The following EMC2 variants were observed in gnomAD, a reference collection of about 807,000 sequenced individuals.
The protein encoded by EMC2 is ER membrane protein complex subunit 2, also known as TPR repeat protein 35.
Under a neutral mutation model 51.6 loss-of-function variants are expected in EMC2, and 37 were observed. The observed-to-expected ratio is 0.72, with a 90% CI of 0.55 to 0.94. EMC2 has a LOEUF of 0.94. EMC2 is among the 40% of genes least tolerant of loss of function. The pLI, the probability that EMC2 is intolerant of heterozygous loss-of-function variation, is 0.00. For synonymous variants in EMC2, 131 were observed against 112.4 expected, an observed-to-expected ratio of 1.17 and a Z score of -1.04; for missense variants, 359 against 350.9, an observed-to-expected ratio of 1.02 and a Z score of -0.18.
In EMC2 at chr8:108,484,554, A is replaced by G. The variant is rs184246343; in HGVS notation, c.808-1958A>G. Among the ~76,000 whole-genome samples the G allele has an allele frequency of 6.4e-3, 975 of 152,160 alleles. 7 individuals carry two copies. Among genetic ancestry groups the G allele is most frequent in the Non-Finnish European group, 9.1e-3 (616 of 67,906 alleles). On this transcript the variant is annotated intron_variant, in intron 10 of 10. Coordinates refer to ENST00000220853, the MANE Select transcript of EMC2 (RefSeq NM_014673.5). ...CAAGAAAAATACTGTATTTAAAAAT[A>G]CATGTTATGGTTTTAGCTCTACATA...
chr8:108,449,135 C>G (rs1818951622), intron 1 of EMC2, among the ~76,000 whole-genome samples: 2 of 152,124 alleles, frequency 1.3e-5, no homozygotes, highest in South Asian at 2.1e-4. Flanking sequence ...CTTTAAGAGA[C>G]AGGGGTCTTG....
chr8:108,488,303 G>T lies in EMC2; in HGVS notation c.*1705G>T, dbSNP rs922640583. 6.6e-6 allele frequency among the ~76,000 whole-genome samples: 1 copy of T among 151,838 alleles called. No homozygotes were observed. Among genetic ancestry groups the T allele is most frequent in the African/African-American group, 2.4e-5 (1 of 41,308 alleles). On this transcript the variant is annotated 3_prime_UTR_variant, in exon 11 of 11. Transcript: ENST00000220853. The stretch of plus-strand genomic sequence containing the variant: ...CAGCCTCTGAGTAGCTGGGACTACA[G>T]GCATGTGCCACCATGCCTGGCTAAT...
At chr8:108,445,377 C>T (rs748142863) in intron 1 of EMC2, among the ~76,000 whole-genome samples, 1 of 152,188 alleles carries the variant, frequency 6.6e-6, no homozygotes, top group Non-Finnish European at 1.5e-5. Flanking sequence ...ACTTTGTGAG[C>T]TGCCTATGCT....
At chr8:108,476,972 C>T in intron 9 of EMC2, 80 bp downstream of exon 9, 1 of 674,832 alleles carries the variant, frequency 1.5e-6, no homozygotes, top group Non-Finnish European at 2.7e-6. Flanking sequence ...TCAATCACTC[C>T]TCTCCTGTTT....
At chr8:108,481,655 C>T (rs1811046638) in intron 10 of EMC2, among the ~76,000 whole-genome samples, 1 of 152,048 alleles carries the variant, frequency 6.6e-6, no homozygotes, top group Non-Finnish European at 1.5e-5. Flanking sequence ...ATGTGCCTTT[C>T]AGTGACTAAT....
rs1186813866 is a variant in EMC2 at position 108,488,103 on chromosome 8, C to T, written c.*1505C>T. 5.9e-5 allele frequency among the ~76,000 whole-genome samples: 9 copies of T among 151,910 alleles called. No individual in the cohort carries two copies. The South Asian group carries it at 1.5e-3, about 25-fold the overall frequency. ...GTCAGTCACTGGATTAGTGTTTACT[C>T]TAGCAATTATATTTGTGTAATAAGT... On this transcript the variant is annotated 3_prime_UTR_variant, in exon 11 of 11. Coordinates refer to ENST00000220853, the MANE Select transcript of EMC2 (RefSeq NM_014673.5).
chr8:108,460,589 A>C (rs185766006), intron 5 of EMC2, among the ~76,000 whole-genome samples: 4 of 152,320 alleles, frequency 2.6e-5, no homozygotes, highest in Non-Finnish European at 5.9e-5. Flanking sequence ...ATACTGTATA[A>C]AATTGTTACC....
chr8:108,468,653 A>G (rs1313218096), intron 5 of EMC2, among the ~76,000 whole-genome samples: 2 of 152,118 alleles, frequency 1.3e-5, no homozygotes, highest in Admixed American at 6.6e-5. Context: ...TTGATACTGT[A>G]AAGAGACCAC....
At chr8:108,462,220 C>CGTGTGTGTGTGTGTGTGTGT (rs370802068) in intron 5 of EMC2, among the ~76,000 whole-genome samples, 5 of 99,448 alleles carry the variant, frequency 5.0e-5, no homozygotes, top group African/African-American at 1.1e-4. Flanking sequence ...GTTTTGTGTG[C>CGTGTGTGTGTGTGTGTGTGT]GTGTGTGTGT....
At chr8:108,469,540 A>C (rs1810808881) in intron 5 of EMC2, among the ~76,000 whole-genome samples, 1 of 152,210 alleles carries the variant, frequency 6.6e-6, no homozygotes, top group East Asian at 1.9e-4. Flanking sequence ...GATAAAGATT[A>C]AGATTCCCTG....
At chr8:108,451,326 G>A (rs1380586632) in intron 3 of EMC2, among the ~76,000 whole-genome samples, 1 of 151,948 alleles carries the variant, frequency 6.6e-6, no homozygotes, top group Non-Finnish European at 1.5e-5. Flanking sequence ...TGATTTTATT[G>A]AGCCTTCATA....
chr8:108,446,379 A>G (rs182849176), intron 1 of EMC2: 134 of 345,086 alleles, frequency 3.9e-4, no homozygotes, highest in African/African-American at 2.7e-3. Flanking sequence ...TAATTTACAG[A>G]TTGAATTTGG....
At chr8:108,460,451 G>T (rs949098172) in intron 5 of EMC2, among the ~76,000 whole-genome samples, 1 of 152,124 alleles carries the variant, frequency 6.6e-6, no homozygotes, top group African/African-American at 2.4e-5. Context: ...AATCCAAAGT[G>T]CCTCAAAATT....
In EMC2 at chr8:108,466,442, ATTTTTTTTTTTT is replaced by A. The variant is rs869102478; in HGVS notation, c.364-3367_364-3356del. ...ATTATGCTAAGGAAGCTATGATAGA[ATTTTTTTTTTTT>A]TTTTTTTTTTTTTTTTGAGACAGGA... On this transcript the variant is annotated intron_variant, in intron 5 of 10. Coordinates refer to ENST00000220853, the MANE Select transcript of EMC2 (RefSeq NM_014673.5). Among the ~76,000 whole-genome samples, 334 of 91,072 alleles carry A rather than the reference ATTTTTTTTTTTT, an allele frequency of 3.7e-3. 4 individuals are homozygous for A. The highest frequency in any genetic ancestry group is 0.014 in the African/African-American group (303 of 21,200). The allele number at this position is 91,072 out of a possible 152,430, so 59.7% of individuals were successfully genotyped here.
intron 5 of EMC2, among the ~76,000 whole-genome samples, chr8:108,458,536 C>T (rs538948735): frequency 1.6e-4 from 24 of 152,312 alleles, no homozygotes; most frequent in African/African-American, 5.3e-4. Context: ...CTCAACACCA[C>T]GTGGAAGCTG....
chr8:108,457,303 G>A (rs2130355066), intron 5 of EMC2, among the ~76,000 whole-genome samples: 1 of 149,668 alleles, frequency 6.7e-6, no homozygotes, highest in South Asian at 2.1e-4. Flanking sequence ...GGTGTGTGGG[G>A]GTTTGTGTAG....
rs1358257642 is a variant in EMC2 at position 108,469,883 on chromosome 8, A to G, written c.421A>G (p.Ile141Val). The G allele has an allele frequency of 6.2e-6, 10 of 1,613,288 alleles. No individual in the cohort carries two copies. In the African/African-American group the frequency reaches 6.7e-5, roughly 11 times the overall value. The change falls in exon 6 of 11, where the codon ATT (isoleucine) becomes GTT (valine). Residue 141 changes from isoleucine to valine, a missense_variant. By Grantham distance (29) the Ile-to-Val change is conservative. Coordinates refer to ENST00000220853, the MANE Select transcript of EMC2 (RefSeq NM_014673.5). ...AGCCCAGGGGAAAAATGTGGAGGCC[A>G]TTCGGGAGCTGAATGAGTATCTGGA... is the stretch of plus-strand genomic sequence containing the variant. ...RKAQGKNVEA[I>V]RELNEYLEQF... is the part of the protein sequence containing the mutation.
intron 10 of EMC2, among the ~76,000 whole-genome samples, chr8:108,483,956 C>T (rs998133291): frequency 3.3e-5 from 5 of 151,890 alleles, no homozygotes; most frequent in Non-Finnish European, 7.4e-5. Flanking sequence ...GATTTTTCTA[C>T]GTATTTATAA....
intron 3 of EMC2, among the ~76,000 whole-genome samples, chr8:108,451,359 G>T (rs1454134850): frequency 6.6e-6 from 1 of 151,660 alleles, no homozygotes; most frequent in Non-Finnish European, 1.5e-5. Flanking sequence ...TTTGATTTGT[G>T]TTTGATGTTA....
Sources: gnomAD v4.1 joint callset for allele counts (sites outside exome capture counted in the v4.1 genomes callset) on GRCh38, gnomAD v4.1.1 for gene constraint, MANE v1.5 for transcripts, NCBI Gene and HGNC (gene_info 2026-07-23, HGNC 2026-07-21) for gene names.